TTYH2: variants seen among roughly 807,000 people sequenced by gnomAD.
TTYH2 encodes tweety family member 2.
TTYH2 carries 49 observed loss-of-function variants against 68.3 expected under a neutral mutation model. That is an observed-to-expected ratio of 0.72 (90% CI 0.57 to 0.91). The LOEUF is 0.91. Among genes scored for constraint, TTYH2 ranks in the 40% least tolerant of loss-of-function variants. The pLI, the probability that TTYH2 is intolerant of heterozygous loss-of-function variation, is 0.00. For synonymous variants in TTYH2, 272 were observed against 300.8 expected, an observed-to-expected ratio of 0.90 and a Z score of 0.99; for missense variants, 631 against 700.4, an observed-to-expected ratio of 0.90 and a Z score of 1.12.
At chr17:74,229,008 T>C (rs1034615774) in intron 2 of TTYH2, among the ~76,000 whole-genome samples, 8 of 152,152 alleles carry the variant, frequency 5.3e-5, no homozygotes, top group African/African-American at 1.9e-4. Flanking sequence ...TGGAAACTTC[T>C]TCCAGGCTGC....
In TTYH2 at chr17:74,239,175, C is replaced by G. The variant is rs147164061; in HGVS notation, c.635+1661C>G. ...CCTAGCCAGAGGCACTGGACACAATCGGCGGAGCAGGGACCTGCTGCCCCT... is the reference window on the plus strand; with the variant it reads ...CCTAGCCAGAGGCACTGGACACAATGGGCGGAGCAGGGACCTGCTGCCCCT... On this transcript the variant is annotated intron_variant, in intron 4 of 13. Coordinates refer to ENST00000269346, the MANE Select transcript of TTYH2 (RefSeq NM_032646.6). The surrounding 1 kb of genome is among the most constrained non-coding windows in gnomAD (Gnocchi z 5.3). Among the ~76,000 whole-genome samples the G allele has an allele frequency of 6.1e-4, 93 of 152,312 alleles. No individual in the cohort carries two copies. In the East Asian group the frequency reaches 8.5e-3, roughly 14 times the overall value.
chr17:74,234,810 A>G (rs191307132), intron 3 of TTYH2, among the ~76,000 whole-genome samples: 1 of 152,252 alleles, frequency 6.6e-6, no homozygotes, highest in Non-Finnish European at 1.5e-5. Context: ...ATATAGAAAT[A>G]TAGAAATGTC....
In TTYH2 at chr17:74,215,668, C is replaced by A. The variant is rs369444261; in HGVS notation, c.129+1952C>A. The A allele has an allele frequency of 6.5e-7, 1 of 1,535,542 alleles. No homozygotes were observed. Among genetic ancestry groups the A allele is most frequent in the Non-Finnish European group, 8.7e-7 (1 of 1,146,910 alleles). ...GGAGATGAGCGTGGTGGGCCAGGAC[C>A]GGAAGTCTGGCTCTGGGTGTTATTT... is the stretch of plus-strand genomic sequence containing the variant. On this transcript the variant is annotated intron_variant, in intron 1 of 13. Transcript: ENST00000269346. This position sits in a 1 kb window ranked among gnomAD's most constrained non-coding sequence, Gnocchi z 4.3.
rs1388567673 is a variant in TTYH2, at chr17:74,261,560, G to A, written c.*1351G>A. 6.6e-6 allele frequency: 1 copy of A among 152,616 alleles called. No homozygotes were observed. The highest frequency in any genetic ancestry group is 6.5e-5 in the Admixed American group (1 of 15,272). The allele number at this position is 152,616 out of a possible 1,614,324, so 9.5% of individuals were successfully genotyped here. ...TGCCTGTTGAGGGACCAGAGTTGGG[G>A]TCTTTGGTGCTTCCAACCTCCTGCC... On this transcript the variant is annotated 3_prime_UTR_variant, in exon 14 of 14. Coordinates refer to ENST00000269346, the MANE Select transcript of TTYH2 (RefSeq NM_032646.6).
chr17:74,237,614 G>A (rs944590731), intron 4 of TTYH2, 100 bp downstream of exon 4: 42 of 1,082,780 alleles, frequency 3.9e-5, no homozygotes, highest in Middle Eastern at 2.2e-4. Context: ...AAGGGCCACT[G>A]GAAAGTATTT....
At chr17:74,233,154 T>G (rs2050407237) in intron 3 of TTYH2, among the ~76,000 whole-genome samples, 1 of 152,058 alleles carries the variant, frequency 6.6e-6, no homozygotes, top group African/African-American at 2.4e-5. Context: ...CTCCAGCCTG[T>G]GGGTGGTCAC....
rs200745484 is a variant in TTYH2 at position 74,252,495 on chromosome 17, GC to G, written c.1259+122del. The G allele has an allele frequency of 1.4e-3, 1,741 of 1,272,806 alleles. 15 individuals carry two copies. In the East Asian group the frequency reaches 0.021, roughly 15 times the overall value. 78.8% of individuals were successfully genotyped at this position (1,272,806 alleles called of 1,614,324 possible). On this transcript the variant is annotated intron_variant, in intron 11 of 13. Coordinates refer to ENST00000269346, the MANE Select transcript of TTYH2 (RefSeq NM_032646.6). The stretch of plus-strand genomic sequence containing the variant: ...CCAGGACTGAGGAGGGCAGCAGAGG[GC>G]CCGGGCATTCAGCCCAACAGGCTGG...
At position 74,214,616 on chromosome 17, in the gene TTYH2, A is replaced by G. The variant is rs1241273642; in HGVS notation, c.129+900A>G. 6.6e-6 allele frequency among the ~76,000 whole-genome samples: 1 copy of G among 152,010 alleles called. No homozygotes were observed. The highest frequency in any genetic ancestry group is 1.5e-5 in the Non-Finnish European group (1 of 67,998). On this transcript the variant is annotated intron_variant, in intron 1 of 13. Coordinates refer to ENST00000269346, the MANE Select transcript of TTYH2 (RefSeq NM_032646.6). The surrounding 1 kb of genome is among the most constrained non-coding windows in gnomAD (Gnocchi z 4.6). Reference sequence around the variant, plus strand: ...CTCCCCAGACCTCCCTGCCCAGACAAACAAAGCTGCAGAATCTCCCAGCCC... The same window carrying G: ...CTCCCCAGACCTCCCTGCCCAGACAGACAAAGCTGCAGAATCTCCCAGCCC...
At position 74,249,008 on chromosome 17, in the gene TTYH2, C is replaced by G; in HGVS notation, c.805-3C>G. 1 of 1,614,190 alleles carries G rather than the reference C, an allele frequency of 6.2e-7. No individual in the cohort carries two copies. On this transcript the variant is annotated splice_polypyrimidine_tract_variant and splice_region_variant and intron_variant, in intron 6 of 13. Coordinates refer to ENST00000269346, the MANE Select transcript of TTYH2 (RefSeq NM_032646.6). ...CCACCCCGTCCCTCTCTCCCTCACT[C>G]AGGCCACCAGTGACTTCTGTGTGGC...
intron 10 of TTYH2, 144 bp from the exon 11 acceptor site, chr17:74,252,090 A>G: frequency 1.0e-6 from 1 of 993,280 alleles, no homozygotes; most frequent in South Asian, 1.5e-5. Context: ...TGGACCTTTA[A>G]TGGTGCTGCA....
chr17:74,238,142 T>C (rs1391278843), intron 4 of TTYH2, among the ~76,000 whole-genome samples: 1 of 152,178 alleles, frequency 6.6e-6, no homozygotes, highest in African/African-American at 2.4e-5. Flanking sequence ...ACTAGCATTC[T>C]TCGTGGCTGG....
chr17:74,218,160 G>A (rs1368401152), intron 1 of TTYH2, among the ~76,000 whole-genome samples: 1 of 144,196 alleles, frequency 6.9e-6, no homozygotes, highest in Non-Finnish European at 1.5e-5. Flanking sequence ...GGCCCTGGAA[G>A]AGGGTGCTGC....
At position 74,239,790 on chromosome 17, in the gene TTYH2, G is replaced by C. The variant is rs2050481090; in HGVS notation, c.635+2276G>C. On this transcript the variant is annotated intron_variant, in intron 4 of 13. Transcript: ENST00000269346. The surrounding 1 kb of genome is among the most constrained non-coding windows in gnomAD (Gnocchi z 5.3). ...ACAGAAGGAAACTGCCAGCTCTAAG[G>C]ACTGTCTGTGACCTCCTGTGGCCCC... Among the ~76,000 whole-genome samples, 1 of 152,210 alleles carries C rather than the reference G, an allele frequency of 6.6e-6. No homozygotes were observed. The highest frequency in any genetic ancestry group is 6.5e-5 in the Admixed American group (1 of 15,284).
chr17:74,227,716 G>T (rs1040723466), intron 2 of TTYH2, among the ~76,000 whole-genome samples: 1 of 151,700 alleles, frequency 6.6e-6, no homozygotes, highest in Admixed American at 6.6e-5. Flanking sequence ...GTGTAAGAGA[G>T]AGACAGAGAT....
At chr17:74,229,349 G>A (rs1236896490) in intron 2 of TTYH2, among the ~76,000 whole-genome samples, 1 of 152,112 alleles carries the variant, frequency 6.6e-6, no homozygotes, top group Non-Finnish European at 1.5e-5. Flanking sequence ...AGCATCCCTT[G>A]GGCTGGCTAC....
chr17:74,227,762 T>G (rs8076956), intron 2 of TTYH2, among the ~76,000 whole-genome samples: 6,503 of 125,766 alleles, frequency 0.052, 415 homozygotes, highest in African/African-American at 0.27. Flanking sequence ...TTTTTTTTTG[T>G]TTTTTTTTTA....
chr17:74,230,718 G>C (rs796163980), intron 2 of TTYH2, among the ~76,000 whole-genome samples, 170 bp from the exon 3 acceptor site: 4 of 150,604 alleles, frequency 2.7e-5, no homozygotes, highest in African/African-American at 9.8e-5. Context: ...TTGGCTCACT[G>C]CAACCTCCAC....
chr17:74,235,347 C>A (rs943471468), intron 3 of TTYH2, among the ~76,000 whole-genome samples: 2 of 152,166 alleles, frequency 1.3e-5, no homozygotes, highest in African/African-American at 4.8e-5. Flanking sequence ...TGAAGGCTGC[C>A]GAGTGTGGAT....
At position 74,237,413 on chromosome 17, in the gene TTYH2, G is replaced by A. The variant is rs765344035; in HGVS notation, c.534G>A (p.Ala178=). ...CCCTGAAGTTCATACAGCAGATGGC[G>A]GGCAGCGTTGTTGTTCAGCTCTCAG... ...LQTLKFIQQM[A]GSVVVQLSGL... Residue 178 remains alanine, a synonymous_variant, in exon 4 of 14, where the codon GCG becomes GCA. Coordinates refer to ENST00000269346, the MANE Select transcript of TTYH2 (RefSeq NM_032646.6). The A allele has an allele frequency of 1.1e-5, 18 of 1,614,020 alleles. No homozygotes were observed. Among genetic ancestry groups the A allele is most frequent in the African/African-American group, 4.0e-5 (3 of 74,904 alleles).
Sources: allele counts gnomAD v4.1 joint callset (sites outside exome capture counted in the v4.1 genomes callset), GRCh38; gene constraint gnomAD v4.1.1; non-coding constraint Gnocchi (gnomAD v3.1); transcripts MANE v1.5; gene names NCBI Gene and HGNC (gene_info 2026-07-23, HGNC 2026-07-21).